The following NOS1AP variants were observed in gnomAD, a reference collection of about 807,000 sequenced individuals.
NOS1AP encodes the protein carboxyl-terminal PDZ ligand of neuronal nitric oxide synthase protein.
A neutral mutation model predicts 56.2 loss-of-function variants in NOS1AP; 21 were observed. The ratio of observed to expected loss-of-function variants is 0.37; its 90% confidence interval spans 0.26 to 0.54. The LOEUF (loss-of-function observed/expected upper bound fraction) is 0.54. Ranked by LOEUF, NOS1AP falls within the 20% of genes least tolerant of loss-of-function variation. The probability of loss-of-function intolerance (pLI) is 0.84; values close to 1 mark genes in which losing one functional copy is unlikely to be tolerated. For synonymous variants in NOS1AP, 270 were observed against 274.6 expected, an observed-to-expected ratio of 0.98 and a Z score of 0.17; for missense variants, 522 against 657.8, an observed-to-expected ratio of 0.79 and a Z score of 2.26.
chr1:162,104,839 G>A (rs1647435101), intron 1 of NOS1AP, among the ~76,000 whole-genome samples: 1 of 152,078 alleles, frequency 6.6e-6, no homozygotes, highest in Non-Finnish European at 1.5e-5. Flanking sequence ...TCTATGCATT[G>A]AGTAACAATA....
At chr1:162,119,947 G>A (rs1468441796) in intron 1 of NOS1AP, among the ~76,000 whole-genome samples, 2 of 152,140 alleles carry the variant, frequency 1.3e-5, no homozygotes, top group Admixed American at 1.3e-4. Flanking sequence ...TTGGTATATG[G>A]CCAAAGTGAC....
intron 2 of NOS1AP, among the ~76,000 whole-genome samples, chr1:162,218,148 G>T (rs1295038331): frequency 6.6e-6 from 1 of 152,202 alleles, no homozygotes; most frequent in Non-Finnish European, 1.5e-5. Context: ...TATTTTGGCT[G>T]ATTTACAATG....
At chr1:162,248,920 C>A (rs1653761333) in intron 2 of NOS1AP, among the ~76,000 whole-genome samples, 1 of 151,974 alleles carries the variant, frequency 6.6e-6, no homozygotes, top group African/African-American at 2.4e-5. Flanking sequence ...ACCACAGCAC[C>A]CCCCCCTTTC....
At chr1:162,105,917 G>A (rs767267923) in intron 1 of NOS1AP, among the ~76,000 whole-genome samples, 4 of 152,324 alleles carry the variant, frequency 2.6e-5, no homozygotes, top group Admixed American at 1.3e-4. Context: ...AGTGGGGCCC[G>A]AAGAATGATG....
chr1:162,081,226 T>C (rs563204541), intron 1 of NOS1AP, among the ~76,000 whole-genome samples: 1 of 152,200 alleles, frequency 6.6e-6, no homozygotes, highest in African/African-American at 2.4e-5. Context: ...TTAGGTTGGA[T>C]TGAATAGGCA....
intron 1 of NOS1AP, among the ~76,000 whole-genome samples, chr1:162,120,533 G>A (rs997361483): frequency 1.3e-5 from 2 of 152,232 alleles, no homozygotes; most frequent in African/African-American, 2.4e-5. Flanking sequence ...ATGTGGCTGG[G>A]AAGGCCTCAC....
At chr1:162,258,093 A>C (rs530115415) in intron 2 of NOS1AP, among the ~76,000 whole-genome samples, 1 of 151,986 alleles carries the variant, frequency 6.6e-6, no homozygotes, top group South Asian at 2.1e-4. Flanking sequence ...TTTCCCTGAC[A>C]CTGCAGGTAT....
intron 2 of NOS1AP, among the ~76,000 whole-genome samples, chr1:162,167,007 C>G (rs1404704436): frequency 6.6e-6 from 1 of 152,204 alleles, no homozygotes; most frequent in Non-Finnish European, 1.5e-5. Context: ...GCCCTGCTGC[C>G]TCTGGGTATT....
intron 2 of NOS1AP, among the ~76,000 whole-genome samples, chr1:162,283,081 G>T (rs1458141586): frequency 7.0e-6 from 1 of 143,532 alleles, no homozygotes; most frequent in African/African-American, 2.6e-5. Flanking sequence ...TTTATTGCTT[G>T]CTCGCTCTCC....
At chr1:162,117,889 C>T (rs570721710) in intron 1 of NOS1AP, among the ~76,000 whole-genome samples, 4 of 152,194 alleles carry the variant, frequency 2.6e-5, no homozygotes, top group East Asian at 1.9e-4. Flanking sequence ...GGGAGCCTAA[C>T]GGTCCTTCAT....
intron 6 of NOS1AP, among the ~76,000 whole-genome samples, chr1:162,352,491 T>C (rs1291861134): frequency 6.6e-6 from 1 of 152,082 alleles, no homozygotes; most frequent in East Asian, 1.9e-4. Flanking sequence ...TTTCCTGAAC[T>C]TTCCATTCAT....
At chr1:162,136,483 G>A (rs10918733) in intron 1 of NOS1AP, among the ~76,000 whole-genome samples, 35,807 of 151,976 alleles carry the variant, frequency 0.24, 7,853 homozygotes, top group African/African-American at 0.59. Flanking sequence ...GTAGATTACC[G>A]TATCATATGG....
rs73017396 is a variant in NOS1AP at position 162,238,308 on chromosome 1, C to T, written c.178-49036C>T. The stretch of plus-strand genomic sequence containing the variant: ...ACCCCCTCAGCTGGGTATTTTTGTG[C>T]GGGTCACAGCCTGTGCTACATTAAG... On this transcript the variant is annotated intron_variant, in intron 2 of 9. Transcript: ENST00000361897. Among the ~76,000 whole-genome samples the T allele has an allele frequency of 6.3e-3, 964 of 152,008 alleles. 12 individuals are homozygous for T. Among genetic ancestry groups the T allele is most frequent in the African/African-American group, 0.022 (903 of 41,426 alleles).
chr1:162,126,315 A>G (rs1648486012), intron 1 of NOS1AP, among the ~76,000 whole-genome samples: 2 of 151,892 alleles, frequency 1.3e-5, no homozygotes, highest in South Asian at 4.2e-4. Context: ...AGGCCTCCTT[A>G]TATTTTGACC....
At chr1:162,215,066 A>C (rs1342399166) in intron 2 of NOS1AP, among the ~76,000 whole-genome samples, 1 of 152,180 alleles carries the variant, frequency 6.6e-6, no homozygotes, top group African/African-American at 2.4e-5. Context: ...TTTATGCTGC[A>C]TTCTCCGCGA....
At chr1:162,345,227 A>G (rs147562620) in intron 6 of NOS1AP, among the ~76,000 whole-genome samples, 1,887 of 151,768 alleles carry the variant, frequency 0.012, 27 homozygotes, top group South Asian at 0.045. Context: ...ACATATGTAT[A>G]CATGTGCCGT....
At chr1:162,160,607 C>T (rs116348285) in intron 2 of NOS1AP, among the ~76,000 whole-genome samples, 1,567 of 152,278 alleles carry the variant, frequency 0.01, 13 homozygotes, top group Non-Finnish European at 0.016. Flanking sequence ...TTTACCTCCT[C>T]TGGGAGGCTT....
chr1:162,322,074 C>A (rs1388517229), intron 4 of NOS1AP, among the ~76,000 whole-genome samples: 4 of 151,884 alleles, frequency 2.6e-5, no homozygotes, highest in Non-Finnish European at 5.9e-5. Flanking sequence ...AAAATAATTT[C>A]TAAAAAACAC....
In NOS1AP at chr1:162,365,399, T is replaced by G. The variant is rs773303966; in HGVS notation, c.940-5T>G. 1 of 1,614,182 alleles carries G rather than the reference T, an allele frequency of 6.2e-7. No individual in the cohort carries two copies. The highest frequency in any genetic ancestry group is 1.6e-4 in the Middle Eastern group (1 of 6,062). On this transcript the variant is annotated splice_region_variant and splice_polypyrimidine_tract_variant and intron_variant, in intron 8 of 9. Coordinates refer to ENST00000361897, the MANE Select transcript of NOS1AP (RefSeq NM_014697.3). ...GTCTTCTCTGCCGCTGCCTCTTCTCTGCAGGTACACTTGCTGAAGGACCAG... is the reference window on the plus strand; with the variant it reads ...GTCTTCTCTGCCGCTGCCTCTTCTCGGCAGGTACACTTGCTGAAGGACCAG...
Sources: gnomAD v4.1 joint callset for allele counts (sites outside exome capture counted in the v4.1 genomes callset) on GRCh38, gnomAD v4.1.1 for gene constraint, MANE v1.5 for transcripts, NCBI Gene and HGNC (gene_info 2026-07-23, HGNC 2026-07-21) for gene names.